MACF1: variants seen among roughly 807,000 people sequenced by gnomAD.
MACF1 encodes microtubule-actin cross-linking factor 1.
In MACF1, 193 loss-of-function variants were observed where a neutral mutation model predicts 854.8. The ratio of observed to expected loss-of-function variants is 0.23; its 90% CI spans 0.20 to 0.25. The LOEUF (loss-of-function observed/expected upper bound fraction) is 0.25. Among genes scored for constraint, MACF1 ranks in the 10% least tolerant of loss-of-function variants. The pLI is 1.00. For missense variants in MACF1, 7,722 were observed against 8,929.1 expected (o/e 0.86, Z 5.45); for synonymous variants, 3,185 against 3,226.7 (o/e 0.99, Z 0.44).
At chr1:39,236,963 C>G (rs1161443222) in intron 2 of MACF1, among the ~76,000 whole-genome samples, 1 of 152,188 alleles carries the variant, frequency 6.6e-6, no homozygotes, top group Admixed American at 6.5e-5. Flanking sequence ...CCGTGATTTC[C>G]TTTTGTAAAT....
At chr1:39,095,359 G>A (rs894581263) in intron 2 of MACF1, among the ~76,000 whole-genome samples, 6 of 149,248 alleles carry the variant, frequency 4.0e-5, no homozygotes, top group African/African-American at 7.4e-5. Context: ...TCAACAGATC[G>A]AGACCATCCT....
At chr1:39,114,498 CAGG>C (rs1156276446) in intron 2 of MACF1, among the ~76,000 whole-genome samples, 1 of 151,992 alleles carries the variant, frequency 6.6e-6, no homozygotes, top group Admixed American at 6.6e-5. Context: ...GAGGCTGAGA[CAGG>C]AGGATCACGA....
intron 2 of MACF1, among the ~76,000 whole-genome samples, chr1:39,234,925 G>A (rs1288777490): frequency 2.7e-5 from 4 of 150,682 alleles, no homozygotes; most frequent in African/African-American, 9.7e-5. Context: ...GGGCAGAGAC[G>A]CTCCTCACTT....
chr1:39,441,527 C>T (rs1434969483), intron 74 of MACF1, among the ~76,000 whole-genome samples: 1 of 152,130 alleles, frequency 6.6e-6, no homozygotes, highest in Non-Finnish European at 1.5e-5. Flanking sequence ...CTCTTCCTGC[C>T]ATGTTTATCA....
intron 6 of MACF1, among the ~76,000 whole-genome samples, chr1:39,279,754 T>C (rs943420914): frequency 6.6e-6 from 1 of 152,186 alleles, no homozygotes; most frequent in Non-Finnish European, 1.5e-5. Flanking sequence ...TGGGGAAAAT[T>C]GGGCCAGGAG....
intron 15 of MACF1, among the ~76,000 whole-genome samples, chr1:39,289,867 A>G (rs1485856429): frequency 6.6e-6 from 1 of 151,564 alleles, no homozygotes; most frequent in East Asian, 2.0e-4. Flanking sequence ...ATGCCCAGCT[A>G]ATTTTGTATT....
intron 89 of MACF1, chr1:39,457,216 G>A (rs1251616128): frequency 1.3e-5 from 2 of 152,154 alleles, no homozygotes; most frequent in Non-Finnish European, 2.9e-5. Flanking sequence ...TTGCCCCCTT[G>A]CCTGACGTCA....
chr1:39,326,221 T>A (rs1024740781), intron 35 of MACF1, among the ~76,000 whole-genome samples: 3 of 152,152 alleles, frequency 2.0e-5, no homozygotes, highest in South Asian at 4.2e-4. Flanking sequence ...CCCATTTGAA[T>A]CAACAGAGTT....
At chr1:39,205,377 T>C (rs558432809) in intron 1 of MACF1, among the ~76,000 whole-genome samples, 1 of 152,118 alleles carries the variant, frequency 6.6e-6, no homozygotes, top group Non-Finnish European at 1.5e-5. Context: ...GCTGGTTAGA[T>C]GAGGTGATGA....
In MACF1 at chr1:39,300,214, A is replaced by G; in HGVS notation, c.2486A>G (p.Glu829Gly). The G allele has an allele frequency of 6.2e-7, 1 of 1,610,948 alleles. No homozygotes were observed. Among genetic ancestry groups the G allele is most frequent in the Non-Finnish European group, 8.5e-7 (1 of 1,179,214 alleles). The change falls in exon 22 of 101, where the codon GAA (glutamate) becomes GGA (glycine). Residue 829 changes from glutamate to glycine, a missense_variant. Transcript: ENST00000564288. The part of the protein sequence containing the change: ...LEDLLQDSMD[E>G]KEQLIQSKSS... ...GTTTTTCTTATCATTTTGTAGGATG[A>G]AAAGGAGCAGCTTATACAGTCCAAG...
chr1:39,329,087 T>C (rs1348920491), intron 36 of MACF1, among the ~76,000 whole-genome samples: 1 of 152,262 alleles, frequency 6.6e-6, no homozygotes, highest in African/African-American at 2.4e-5. Context: ...GTGAACTTTT[T>C]CCTTCAATTT....
In MACF1 at chr1:39,340,514, G is replaced by A. The variant is rs754413545; in HGVS notation, c.10228G>A (p.Glu3410Lys). 6.2e-7 allele frequency: 1 copy of A among 1,612,492 alleles called. No individual in the cohort carries two copies. The highest frequency in any genetic ancestry group is 1.3e-5 in the African/African-American group (1 of 74,908). Residue 3410 changes from glutamate (E) to lysine (K), a missense_variant, in exon 39 of 101, where the codon GAG (glutamate) becomes AAG (lysine). Glu to Lys is a moderately conservative substitution (Grantham distance 56). This residue lies in a region of MACF1 where 854 missense variants were observed against 852.6 expected (regional missense o/e 1.00). Coordinates refer to ENST00000564288, the MANE Select transcript of MACF1 (RefSeq NM_001394062.1). ...TTTATTCCCTCAGGTATTAGAAAGG[G>A]AGTTAAAGGATCTGACCACCTTGGT... ...LLCQAKVLER[E>K]LKDLTTLVSQ...
intron 29 of MACF1, 37 bp from the exon 30 acceptor site, chr1:39,318,416 C>T (rs1165983195): frequency 6.3e-7 from 1 of 1,586,202 alleles, no homozygotes; most frequent in Non-Finnish European, 8.6e-7. Context: ...GTATTTGTAC[C>T]AAGGTATCTG....
At chr1:39,459,321 T>G in intron 91 of MACF1, 72 bp downstream of exon 91, 1 of 1,447,718 alleles carries the variant, frequency 6.9e-7, no homozygotes, top group East Asian at 2.3e-5. Context: ...CTTCTGAGGC[T>G]CTCTTAATGT....
At position 39,413,184 on chromosome 1, in the gene MACF1, G is replaced by T. The variant is rs547690826; in HGVS notation, c.15817-9190G>T. 3 of 1,613,490 alleles carry T rather than the reference G, an allele frequency of 1.9e-6. No homozygotes were observed. In the African/African-American group the frequency reaches 4.0e-5, roughly 22 times the overall value. On this transcript the variant is annotated intron_variant, in intron 58 of 100. Transcript: ENST00000564288. ...CAGAGGAGGATGGTACACCAGAAGGGCCTGTCACCCCAGCTACCACAGTGC... is the reference window on the plus strand; with the variant it reads ...CAGAGGAGGATGGTACACCAGAAGGTCCTGTCACCCCAGCTACCACAGTGC...
At chr1:39,331,054 C>G (rs1445526610) in intron 36 of MACF1, 149 bp from the exon 37 acceptor site, 2 of 1,166,680 alleles carry the variant, frequency 1.7e-6, no homozygotes, top group Admixed American at 3.4e-5. Flanking sequence ...CTGCCTTGGG[C>G]AGATTATAGG....
At chr1:39,234,341 GC>G (rs1304806828) in intron 2 of MACF1, among the ~76,000 whole-genome samples, 2 of 151,654 alleles carry the variant, frequency 1.3e-5, no homozygotes, top group Admixed American at 1.3e-4. Flanking sequence ...GGGCAGAGGG[GC>G]TCCTCACTTC....
Position 39,388,065 on chromosome 1 carries a change from G to C in MACF1, c.15223G>C (p.Gly5075Arg). Residue 5075 changes from glycine to arginine, a missense_variant, in exon 58 of 101, where the codon GGT becomes CGT. Physicochemically the swap from Gly to Arg is moderately radical, Grantham distance 125. Coordinates refer to ENST00000564288, the MANE Select transcript of MACF1 (RefSeq NM_001394062.1). ...QVDYLRNFTQ[G>R]LVEDAPDGSD... Reference sequence around the variant, plus strand: ...AGACTATCTGAGGAACTTTACTCAGGGTCTGGTAGAAGATGCCCCAGATGG... The same window carrying C: ...AGACTATCTGAGGAACTTTACTCAGCGTCTGGTAGAAGATGCCCCAGATGG... 2 of 1,614,022 alleles carry C rather than the reference G, an allele frequency of 1.2e-6. No homozygotes were observed. The highest frequency in any genetic ancestry group is 3.3e-4 in the Middle Eastern group (2 of 6,062).
chr1:39,093,720 G>C (rs149661024), intron 2 of MACF1, among the ~76,000 whole-genome samples: 1,847 of 152,018 alleles, frequency 0.012, 42 homozygotes, highest in African/African-American at 0.041. Context: ...TCTTGACCTT[G>C]TGATCTGCCC....
Sources: gnomAD v4.1 joint callset for allele counts (sites outside exome capture counted in the v4.1 genomes callset) on GRCh38, gnomAD v4.1.1 for gene constraint, gnomAD v4.1.1 regional missense constraint, MANE v1.5 for transcripts, NCBI Gene and HGNC (gene_info 2026-07-23, HGNC 2026-07-21) for gene names.